FBN2: variants seen among roughly 807,000 people sequenced by gnomAD.
The protein encoded by FBN2 is fibrillin 2, also known as fibrillin-2.
A neutral mutation model predicts 355.6 loss-of-function variants in FBN2; 105 were observed. That is an observed-to-expected ratio of 0.30 (90% CI 0.25 to 0.35). The LOEUF (loss-of-function observed/expected upper bound fraction) is 0.35, where lower values mean the gene tolerates loss of function less well. Among genes scored for constraint, FBN2 ranks in the 10% least tolerant of loss-of-function variants. FBN2 has a pLI of 1.00. For synonymous variants in FBN2, 1,350 were observed against 1,301.2 expected, an observed-to-expected ratio of 1.04 and a Z score of -0.81; for missense variants, 3,280 against 3,758.7, an observed-to-expected ratio of 0.87 and a Z score of 3.33.
At chr5:128,276,209 C>G in intron 58 of FBN2, 49 bp from the exon 59 acceptor site, 1 of 1,588,136 alleles carries the variant, frequency 6.3e-7, no homozygotes, top group South Asian at 1.1e-5. Flanking sequence ...AAGAAACAAC[C>G]AGACTCTTTC....
chr5:128,515,004 T>C (rs1756241743), intron 5 of FBN2, among the ~76,000 whole-genome samples: 1 of 152,234 alleles, frequency 6.6e-6, no homozygotes, highest in South Asian at 2.1e-4. Flanking sequence ...TTTGCTATGT[T>C]ACTTGAATGT....
At chr5:128,334,652 T>G in intron 31 of FBN2, 67 bp downstream of exon 31, 1 of 1,556,700 alleles carries the variant, frequency 6.4e-7, no homozygotes, top group South Asian at 1.1e-5. Context: ...AGAGAACAAA[T>G]GATGTTGAAA....
chr5:128,320,932 ATCCT>A (rs1366945080), intron 34 of FBN2, among the ~76,000 whole-genome samples: 2 of 152,176 alleles, frequency 1.3e-5, no homozygotes, highest in African/African-American at 2.4e-5. Flanking sequence ...GCACTCATGT[ATCCT>A]TCCAACTCCT....
At position 128,350,995 on chromosome 5, in the gene FBN2, C is replaced by T. The variant is rs1429973721; in HGVS notation, c.2685G>A (p.Lys895=). ...CCTGGATGTTGAGCCAACAGGTCCCCTTCAGGCTGTCTGAAAAGGAACAGG... is the reference window on the plus strand; with the variant it reads ...CCTGGATGTTGAGCCAACAGGTCCCTTTCAGGCTGTCTGAAAAGGAACAGG... ...STGLICIDSL[K]GTCWLNIQDS... is the part of the protein sequence containing the mutation. The change falls in exon 21 of 65, where the codon AAG becomes AAA. Residue 895 remains lysine, a synonymous_variant. Transcript: ENST00000262464. 2 of 1,614,064 alleles carry T rather than the reference C, an allele frequency of 1.2e-6. No homozygotes were observed. Among genetic ancestry groups the T allele is most frequent in the Non-Finnish European group, 8.5e-7 (1 of 1,180,028 alleles).
At chr5:128,499,038 T>C (rs1219801483) in intron 5 of FBN2, among the ~76,000 whole-genome samples, 1 of 152,216 alleles carries the variant, frequency 6.6e-6, no homozygotes, top group Admixed American at 6.5e-5. Flanking sequence ...TTATAAACAT[T>C]CTTGGCTCAA....
At chr5:128,434,422 A>ATATATATATATATATG (rs1561455185) in intron 7 of FBN2, among the ~76,000 whole-genome samples, 17 of 132,702 alleles carry the variant, frequency 1.3e-4, no homozygotes, top group African/African-American at 5.3e-4. Context: ...ATATATATAT[A>ATATATATATATATATG]TATGGGCAGT....
At chr5:128,305,357 C>T (rs1324521604) in intron 44 of FBN2, among the ~76,000 whole-genome samples, 154 bp downstream of exon 44, 1 of 152,088 alleles carries the variant, frequency 6.6e-6, no homozygotes, top group Non-Finnish European at 1.5e-5. Context: ...ATTTTCTTAA[C>T]AAAATCATCT....
chr5:128,482,628 G>C lies in FBN2; in HGVS notation c.629-17707C>G, dbSNP rs141033638. ...TTTTTTGCATGTGTGTCTGCATTTAGATTAGAGTTTTAAAATTGATATATT... is the reference window on the plus strand; with the variant it reads ...TTTTTTGCATGTGTGTCTGCATTTACATTAGAGTTTTAAAATTGATATATT... On this transcript the variant is annotated intron_variant, in intron 5 of 64. Transcript: ENST00000262464. Among the ~76,000 whole-genome samples, 417 of 152,172 alleles carry C rather than the reference G, an allele frequency of 2.7e-3. 1 individual carries two copies. Among genetic ancestry groups the C allele is most frequent in the African/African-American group, 9.7e-3 (404 of 41,526 alleles).
At chr5:128,374,534 TATG>T (rs1181747675) in intron 15 of FBN2, 91 bp downstream of exon 15, 327 of 1,527,612 alleles carry the variant, frequency 2.1e-4, no homozygotes, top group South Asian at 9.4e-4. Flanking sequence ...GTACTCTTCT[TATG>T]GTGAATATTA....
Position 128,259,405 on chromosome 5 carries a change from T to G in FBN2, c.*50A>C. ...TAGTCCTTGACTTTTCAAATGCTTC[T>G]GCAGACTGGCTGTGCTAGGATTTGA... On this transcript the variant is annotated 3_prime_UTR_variant, in exon 65 of 65. Coordinates refer to ENST00000262464, the MANE Select transcript of FBN2 (RefSeq NM_001999.4). 1 of 1,607,124 alleles carries G rather than the reference T, an allele frequency of 6.2e-7. No individual in the cohort carries two copies. The highest frequency in any genetic ancestry group is 8.5e-7 in the Non-Finnish European group (1 of 1,175,394).
intron 46 of FBN2, among the ~76,000 whole-genome samples, chr5:128,302,338 C>T (rs1749741920): frequency 6.6e-6 from 1 of 152,196 alleles, no homozygotes; most frequent in Admixed American, 6.5e-5. Flanking sequence ...CGTTTGCTGT[C>T]ATTTCTCTTA....
chr5:128,331,993 G>T (rs932386458), intron 32 of FBN2, among the ~76,000 whole-genome samples: 2 of 152,170 alleles, frequency 1.3e-5, no homozygotes, highest in African/African-American at 4.8e-5. Context: ...CTAGAGGCTG[G>T]CACTTCACTA....
At chr5:128,442,071 G>A in intron 7 of FBN2, 1 of 301,896 alleles carries the variant, frequency 3.3e-6, no homozygotes, top group Non-Finnish European at 6.5e-6. Flanking sequence ...AGAGGAGACT[G>A]TGCCAACAAC....
chr5:128,463,966 T>C (rs577374397), intron 6 of FBN2, among the ~76,000 whole-genome samples: 2 of 152,330 alleles, frequency 1.3e-5, no homozygotes, highest in African/African-American at 2.4e-5. Flanking sequence ...TAAGAAGTCA[T>C]TAGAGAGACC....
At chr5:128,334,976 G>T in intron 30 of FBN2, 132 bp from the exon 31 acceptor site, 2 of 1,147,078 alleles carry the variant, frequency 1.7e-6, no homozygotes, top group Non-Finnish European at 2.6e-6. Flanking sequence ...AAATCATCGT[G>T]TTATAGATAA....
intron 5 of FBN2, among the ~76,000 whole-genome samples, chr5:128,512,622 C>CAACGAATCTGTGAGGTG: frequency 6.6e-6 from 1 of 151,810 alleles, no homozygotes; most frequent in South Asian, 2.1e-4. Context: ...CACGGCACTT[C>CAACGAATCTGTGAGGTG]ATTTCTTGTT....
At chr5:128,363,782 T>C (rs1191814029) in intron 18 of FBN2, among the ~76,000 whole-genome samples, 1 of 152,198 alleles carries the variant, frequency 6.6e-6, no homozygotes, top group Non-Finnish European at 1.5e-5. Flanking sequence ...CTCTTCCCTG[T>C]AGTTATCAAA....
intron 2 of FBN2, among the ~76,000 whole-genome samples, chr5:128,532,577 T>C (rs137898084): frequency 1.1e-3 from 160 of 152,318 alleles, no homozygotes; most frequent in Middle Eastern, 0.01. Flanking sequence ...AGTCTGGAAA[T>C]GCTCTGAAAC....
At chr5:128,446,258 C>T in intron 7 of FBN2, 1 of 446,604 alleles carries the variant, frequency 2.2e-6, no homozygotes, top group African/African-American at 2.0e-5. Flanking sequence ...TGCAACACAA[C>T]TGAGATAACA....
Sources: gnomAD v4.1 joint callset for allele counts (sites outside exome capture counted in the v4.1 genomes callset) on GRCh38, gnomAD v4.1.1 for gene constraint, MANE v1.5 for transcripts, NCBI Gene and HGNC (gene_info 2026-07-23, HGNC 2026-07-21) for gene names.